Variants in C8orf34 observed in about 807,000 individuals in gnomAD.
The protein encoded by C8orf34 is uncharacterized protein C8orf34.
A neutral mutation model predicts 68.3 loss-of-function variants in C8orf34; 65 were observed. The ratio of observed to expected loss-of-function variants is 0.95; its 90% confidence interval spans 0.78 to 1.17. The LOEUF is 1.17. Among genes scored for constraint, C8orf34 ranks in the 50% most tolerant of loss-of-function variants. The pLI is 0.00. For missense variants in C8orf34, 664 were observed against 655.4 expected (o/e 1.01, Z -0.14); for synonymous variants, 244 against 241.2 (o/e 1.01, Z -0.11).
chr8:68,402,376 C>G (rs576489209), intron 1 of C8orf34, among the ~76,000 whole-genome samples: 1 of 151,822 alleles, frequency 6.6e-6, no homozygotes. Flanking sequence ...TTCATTGATC[C>G]TTTGTATTGT....
intron 6 of C8orf34, chr8:68,530,457 G>C (rs1208862987): frequency 4.6e-6 from 1 of 219,440 alleles, no homozygotes; most frequent in African/African-American, 2.3e-5. Context: ...AATAATTTAG[G>C]TGTTAATTCA....
At chr8:68,718,614 A>G (rs1333971803) in intron 9 of C8orf34, among the ~76,000 whole-genome samples, 1 of 152,232 alleles carries the variant, frequency 6.6e-6, no homozygotes, top group African/African-American at 2.4e-5. Flanking sequence ...TTGTGAGTTT[A>G]TGTCAACTGT....
intron 1 of C8orf34, among the ~76,000 whole-genome samples, chr8:68,415,178 A>G (rs575865545): frequency 4.6e-5 from 7 of 152,138 alleles, no homozygotes; most frequent in Non-Finnish European, 1.0e-4. Context: ...GGATATAAAG[A>G]AAGATAAAAG....
intron 1 of C8orf34, among the ~76,000 whole-genome samples, chr8:68,340,223 C>G (rs1314064580): frequency 6.6e-6 from 1 of 151,878 alleles, no homozygotes. Context: ...TTTCTAGTAG[C>G]CCCAAATTGA....
intron 3 of C8orf34, among the ~76,000 whole-genome samples, chr8:68,465,339 T>C (rs1393970158): frequency 2.0e-5 from 3 of 148,630 alleles, no homozygotes; most frequent in South Asian, 4.4e-4. Flanking sequence ...AGGAACACTT[T>C]TACACTGTTG....
intron 7 of C8orf34, among the ~76,000 whole-genome samples, chr8:68,569,977 C>T (rs555989522): frequency 3.8e-4 from 58 of 152,298 alleles, no homozygotes; most frequent in Non-Finnish European, 7.4e-4. Flanking sequence ...CTTCAGGCTG[C>T]TCTTTGATTT....
At chr8:68,744,814 G>A (rs562571368) in intron 10 of C8orf34, among the ~76,000 whole-genome samples, 7 of 152,246 alleles carry the variant, frequency 4.6e-5, no homozygotes, top group Non-Finnish European at 8.8e-5. Flanking sequence ...CACTCTGCAC[G>A]ATATTATCCA....
intron 3 of C8orf34, among the ~76,000 whole-genome samples, chr8:68,459,097 T>A (rs1302967810): frequency 2.6e-5 from 4 of 152,210 alleles, no homozygotes; most frequent in Non-Finnish European, 1.5e-5. Flanking sequence ...AAAGTGACCT[T>A]AAACTGTACC....
intron 5 of C8orf34, among the ~76,000 whole-genome samples, chr8:68,488,635 G>T (rs1813179069): frequency 6.6e-6 from 1 of 152,114 alleles, no homozygotes; most frequent in African/African-American, 2.4e-5. Flanking sequence ...CTAGGTTTGG[G>T]AGATGAGCAA....
At chr8:68,537,298 A>C (rs889722089) in intron 7 of C8orf34, among the ~76,000 whole-genome samples, 6 of 152,042 alleles carry the variant, frequency 3.9e-5, no homozygotes, top group Non-Finnish European at 7.4e-5. Flanking sequence ...AATCTAAAAC[A>C]CAAGGGACTA....
intron 12 of C8orf34, among the ~76,000 whole-genome samples, chr8:68,812,534 A>G (rs1824681559): frequency 6.6e-6 from 1 of 152,102 alleles, no homozygotes. Flanking sequence ...AAAACTTTAA[A>G]ATTTTTTTTA....
intron 7 of C8orf34, among the ~76,000 whole-genome samples, chr8:68,557,231 A>G (rs1488611551): frequency 6.6e-6 from 1 of 152,132 alleles, no homozygotes; most frequent in African/African-American, 2.4e-5. Context: ...TATATTTGGC[A>G]TTTTAGTTGG....
intron 7 of C8orf34, among the ~76,000 whole-genome samples, chr8:68,552,574 G>A (rs1018151325): frequency 2.6e-5 from 4 of 151,942 alleles, no homozygotes. Context: ...GTTATCATAG[G>A]TTTTTTAGTG....
chr8:68,742,487 G>A (rs56282096), intron 10 of C8orf34, among the ~76,000 whole-genome samples: 109,203 of 152,118 alleles, frequency 0.72, 39,471 homozygotes, highest in African/African-American at 0.79. Context: ...TTTTCATCCA[G>A]TCTCAGAAGA....
intron 1 of C8orf34, among the ~76,000 whole-genome samples, chr8:68,390,353 C>T (rs574453059): frequency 1.3e-3 from 202 of 152,100 alleles, no homozygotes; most frequent in African/African-American, 4.7e-3. Flanking sequence ...TTTAAATTCA[C>T]GAAATCTTTT....
At chr8:68,729,281 T>A (rs1270777042) in intron 10 of C8orf34, among the ~76,000 whole-genome samples, 3 of 152,250 alleles carry the variant, frequency 2.0e-5, no homozygotes, top group Non-Finnish European at 4.4e-5. Context: ...TGAATGTTAA[T>A]TAGCAGAGTG....
chr8:68,540,305 A>G (rs543994799), intron 7 of C8orf34, among the ~76,000 whole-genome samples: 5 of 150,734 alleles, frequency 3.3e-5, no homozygotes, highest in Non-Finnish European at 7.4e-5. Flanking sequence ...TTAATAAATG[A>G]TGTATTTCTT....
chr8:68,494,247 C>T (rs1175525968), intron 5 of C8orf34, among the ~76,000 whole-genome samples: 1 of 152,160 alleles, frequency 6.6e-6, no homozygotes, highest in Non-Finnish European at 1.5e-5. Context: ...CCTTGAGGAA[C>T]TTATGCTAAG....
intron 1 of C8orf34, 141 bp from the exon 2 acceptor site, chr8:68,439,358 A>C: frequency 1.5e-6 from 1 of 658,228 alleles, no homozygotes; most frequent in Non-Finnish European, 2.4e-6. Flanking sequence ...GCCGTCTGAA[A>C]AGATTGTTAT....
Sources: gnomAD v4.1 joint callset for allele counts (sites outside exome capture counted in the v4.1 genomes callset) on GRCh38, gnomAD v4.1.1 for gene constraint, MANE v1.5 for transcripts, NCBI Gene and HGNC (gene_info 2026-07-23, HGNC 2026-07-21) for gene names.